JARID2: variants seen among roughly 807,000 people sequenced by gnomAD.
JARID2 encodes the protein protein Jumonji.
Under a neutral mutation model 125.6 loss-of-function variants are expected in JARID2, and 21 were observed. The ratio of observed to expected loss-of-function variants is 0.17; its 90% CI spans 0.12 to 0.24. JARID2 has a LOEUF of 0.24. JARID2 is among the 10% of genes least tolerant of loss of function. JARID2 has a pLI of 1.00. For missense variants in JARID2, 1,303 were observed against 1,639.6 expected, an observed-to-expected ratio of 0.79 and a Z score of 3.55; for synonymous variants, 736 against 661.6, an observed-to-expected ratio of 1.11 and a Z score of -1.73.
intron 1 of JARID2, among the ~76,000 whole-genome samples, chr6:15,341,337 T>C (rs1334588296): frequency 6.6e-6 from 1 of 152,222 alleles, no homozygotes; most frequent in East Asian, 1.9e-4. Flanking sequence ...AGTTTTCTTA[T>C]GTATACTTAT....
Position 15,453,612 on chromosome 6 carries a change from C to T in JARID2, c.493+1437C>T, listed in dbSNP as rs376193137. 1.3e-5 allele frequency among the ~76,000 whole-genome samples: 2 copies of T among 152,330 alleles called. 1 individual carries two copies. On this transcript the variant is annotated intron_variant, in intron 4 of 17. Transcript: ENST00000341776. ...GGATATTCTTTGAAACTAGTACATA[C>T]TTCTCATCATCTTTATCATAATTGT...
chr6:15,445,764 G>C (rs920375264), intron 3 of JARID2, among the ~76,000 whole-genome samples: 1 of 152,218 alleles, frequency 6.6e-6, no homozygotes, highest in African/African-American at 2.4e-5. Context: ...GTGACTGTCA[G>C]CCGGAGGCAG....
rs1425250982 is a variant in JARID2 at position 15,511,368 on chromosome 6, C to G, written c.2919C>G (p.Thr973=). ...VVHTLLQANG[T]PGLQMLESNV... ...ACACCCTGCTGCAAGCCAATGGCAC[C>G]CCAGGGCTGCAGATGCTGGAAAGCA... Residue 973 remains threonine, a synonymous_variant, in exon 13 of 18, where the codon ACC becomes ACG. Coordinates refer to ENST00000341776, the MANE Select transcript of JARID2 (RefSeq NM_004973.4). The G allele has an allele frequency of 6.2e-7, 1 of 1,613,802 alleles. No individual in the cohort carries two copies. The highest frequency in any genetic ancestry group is 1.7e-5 in the Admixed American group (1 of 60,024).
intron 4 of JARID2, among the ~76,000 whole-genome samples, chr6:15,462,841 C>T (rs914375627): frequency 3.9e-5 from 6 of 152,134 alleles, no homozygotes; most frequent in Non-Finnish European, 8.8e-5. Context: ...GAGAAGAATC[C>T]AATTTTATAG....
chr6:15,389,500 A>G (rs749439333), intron 2 of JARID2, among the ~76,000 whole-genome samples: 9 of 152,192 alleles, frequency 5.9e-5, no homozygotes, highest in Non-Finnish European at 1.0e-4. Flanking sequence ...ATTTAGAAGA[A>G]TGCATCTAGA....
chr6:15,300,400 A>G (rs954567559), intron 1 of JARID2, among the ~76,000 whole-genome samples: 1 of 152,176 alleles, frequency 6.6e-6, no homozygotes, highest in African/African-American at 2.4e-5. Flanking sequence ...TGGATAAGTG[A>G]CATTTAAGCT....
chr6:15,366,115 G>A (rs967254478), intron 1 of JARID2, among the ~76,000 whole-genome samples: 2 of 152,026 alleles, frequency 1.3e-5, no homozygotes, highest in Non-Finnish European at 2.9e-5. Context: ...TGGTGCTTTC[G>A]TTTTTCTCTC....
chr6:15,349,806 C>A (rs1420197840), intron 1 of JARID2, among the ~76,000 whole-genome samples: 1 of 152,148 alleles, frequency 6.6e-6, no homozygotes, highest in Non-Finnish European at 1.5e-5. Flanking sequence ...CTTATTCTGG[C>A]CTTCAGCTTA....
chr6:15,405,950 G>A (rs1437690277), intron 2 of JARID2, among the ~76,000 whole-genome samples: 1 of 152,188 alleles, frequency 6.6e-6, no homozygotes, highest in Non-Finnish European at 1.5e-5. Context: ...AGCCAGTACA[G>A]TGGAGATTGG....
Position 15,501,053 on chromosome 6 carries a change from C to T in JARID2, c.2092C>T (p.Gln698Ter). The T allele has an allele frequency of 6.2e-7, 1 of 1,614,166 alleles. No individual in the cohort carries two copies. The highest frequency in any genetic ancestry group is 8.5e-7 in the Non-Finnish European group (1 of 1,180,012). Residue 698 changes from glutamine (Q) to a stop codon, truncating the protein, a stop_gained, in exon 8 of 18, where the codon CAG becomes TAG. Coordinates refer to ENST00000341776, the MANE Select transcript of JARID2 (RefSeq NM_004973.4). LOFTEE classifies it high-confidence loss of function. ...RTAQDRLAKLQEAYCQYLLSY... is the reference protein window; with the variant it reads ...RTAQDRLAKL ...TGCCCAGGACCGGCTGGCCAAGCTG[C>T]AGGAGGCCTACTGCCAGTACCTACT...
intron 2 of JARID2, among the ~76,000 whole-genome samples, chr6:15,409,886 T>A (rs556631518): frequency 1.4e-4 from 21 of 152,346 alleles, no homozygotes; most frequent in African/African-American, 4.8e-4. Context: ...ACTAGTTTGA[T>A]AACAGATACT....
chr6:15,441,936 C>T (rs181196484), intron 3 of JARID2, among the ~76,000 whole-genome samples: 39 of 152,128 alleles, frequency 2.6e-4, no homozygotes, highest in Non-Finnish European at 4.6e-4. Flanking sequence ...GGATTACAGG[C>T]GCCTGCTACC....
chr6:15,510,654 G>A (rs934748135), intron 12 of JARID2, among the ~76,000 whole-genome samples: 1 of 152,158 alleles, frequency 6.6e-6, no homozygotes, highest in Admixed American at 6.5e-5. Flanking sequence ...GGGTAGGCTG[G>A]GTCCTAACAC....
At chr6:15,467,140 T>A (rs1243069018) in intron 4 of JARID2, among the ~76,000 whole-genome samples, 1 of 152,234 alleles carries the variant, frequency 6.6e-6, no homozygotes, top group African/African-American at 2.4e-5. Context: ...ACATAGTCTT[T>A]GCATTTTGGG....
At chr6:15,258,962 A>G (rs1182203525) in intron 1 of JARID2, among the ~76,000 whole-genome samples, 2 of 152,212 alleles carry the variant, frequency 1.3e-5, no homozygotes, top group Non-Finnish European at 1.5e-5. Flanking sequence ...AAATTCAGAT[A>G]ATAAGGGTGC....
At chr6:15,363,134 AG>A (rs762765784) in intron 1 of JARID2, among the ~76,000 whole-genome samples, 1 of 152,298 alleles carries the variant, frequency 6.6e-6, no homozygotes, top group South Asian at 2.1e-4. Flanking sequence ...CAGGAAAACC[AG>A]GGGAGAGTCC....
At chr6:15,373,650 T>C (rs575066337) in intron 1 of JARID2, among the ~76,000 whole-genome samples, 1 of 152,324 alleles carries the variant, frequency 6.6e-6, no homozygotes, top group East Asian at 1.9e-4. Flanking sequence ...ACAGCACCCA[T>C]ATCTGCTGTA....
At chr6:15,357,540 G>A (rs1763644044) in intron 1 of JARID2, among the ~76,000 whole-genome samples, 1 of 152,094 alleles carries the variant, frequency 6.6e-6, no homozygotes, top group Non-Finnish European at 1.5e-5. Context: ...GAGGTATTTG[G>A]AGACTGAAGC....
At chr6:15,291,868 T>G (rs1448102692) in intron 1 of JARID2, among the ~76,000 whole-genome samples, 1 of 152,180 alleles carries the variant, frequency 6.6e-6, no homozygotes, top group Non-Finnish European at 1.5e-5. Flanking sequence ...ACAATTTTTG[T>G]TTTTCTATTT....
Sources: allele counts gnomAD v4.1 joint callset (sites outside exome capture counted in the v4.1 genomes callset), GRCh38; gene constraint gnomAD v4.1.1; transcripts MANE v1.5; gene names NCBI Gene and HGNC (gene_info 2026-07-23, HGNC 2026-07-21).